The following POU5F1B variants were observed in gnomAD, a reference collection of about 807,000 sequenced individuals.
POU5F1B encodes POU domain, class 5, transcription factor 1B.
POU5F1B carries 24 observed loss-of-function variants against 28.1 expected under a neutral mutation model. The observed-to-expected ratio is 0.85, with a 90% confidence interval of 0.62 to 1.20. The LOEUF (loss-of-function observed/expected upper bound fraction) is 1.20, where lower values mean the gene tolerates loss of function less well. Ranked by LOEUF, POU5F1B falls within the 50% of genes most tolerant of loss-of-function variation. POU5F1B has a pLI of 0.00. For missense variants in POU5F1B, 451 were observed against 451.5 expected, an observed-to-expected ratio of 1.00 and a Z score of 0.01; for synonymous variants, 220 against 193.2, an observed-to-expected ratio of 1.14 and a Z score of -1.15.
rs1166874377 is a variant in POU5F1B at position 127,416,173 on chromosome 8, G to T, written c.307G>T (p.Val103Leu). Residue 103 changes from valine to leucine, a missense_variant, in exon 3 of 3, where the codon GTG becomes TTG. Val to Leu is a conservative substitution (Grantham distance 32, BLOSUM62 1). Around this residue, in one of 3 missense-constraint regions of POU5F1B, gnomAD observed 233 missense variants for 210.7 expected, o/e 1.11. Coordinates refer to ENST00000465342, the Ensembl canonical transcript of POU5F1B. The stretch of plus-strand genomic sequence containing the variant: ...GCCTGAGAGCGAAGCAGGAGTCGGG[G>T]TGGAGAGCAACTCCAATGGGGCCTC... 2.2e-5 allele frequency: 35 copies of T among 1,613,888 alleles called. No individual in the cohort carries two copies. The highest frequency in any genetic ancestry group is 2.9e-5 in the Non-Finnish European group (34 of 1,179,836).
intron 1 of POU5F1B, among the ~76,000 whole-genome samples, chr8:127,414,538 T>C (rs1815102671): frequency 1.3e-5 from 2 of 152,240 alleles, no homozygotes. Context: ...ATCATTCTCA[T>C]TTTATGGTTG....
chr8:127,416,012 C>G (rs768862753), exon 3 of POU5F1B: 1 of 1,598,204 alleles, frequency 6.3e-7, no homozygotes, highest in Non-Finnish European at 8.5e-7. Flanking sequence ...GGAATCGGGC[C>G]GGGGGTTGGG....
chr8:127,416,648 A>C, exon 3 of POU5F1B: 1 of 1,601,916 alleles, frequency 6.2e-7, no homozygotes, highest in South Asian at 1.1e-5. Context: ...CAGATCAGCC[A>C]CATCGCCCAG....
chr8:127,416,614 C>T (rs1815146071), exon 3 of POU5F1B: 2 of 1,599,174 alleles, frequency 1.3e-6, no homozygotes, highest in Non-Finnish European at 1.7e-6. Context: ...GAATTTGTTC[C>T]TGCAGTGCCC....
exon 3 of POU5F1B, chr8:127,416,759 A>T (rs1815150316): frequency 6.2e-7 from 1 of 1,607,318 alleles, no homozygotes; most frequent in African/African-American, 1.3e-5. Flanking sequence ...GAGGATTTTG[A>T]GGCTGCTGGG....
At chr8:127,414,722 C>T (rs1815105321) in intron 1 of POU5F1B, among the ~76,000 whole-genome samples, 1 of 152,208 alleles carries the variant, frequency 6.6e-6, no homozygotes, top group Non-Finnish European at 1.5e-5. Context: ...ACAATATGCC[C>T]ACCAATTATT....
At chr8:127,415,280 A>G (rs1375046513) in intron 2 of POU5F1B, among the ~76,000 whole-genome samples, 1 of 152,254 alleles carries the variant, frequency 6.6e-6, no homozygotes, top group East Asian at 1.9e-4. Flanking sequence ...AGGGGTTGTC[A>G]GGAGGGTAGA....
exon 3 of POU5F1B, chr8:127,417,214 A>AG: frequency 2.8e-6 from 1 of 351,566 alleles, no homozygotes; most frequent in Non-Finnish European, 5.3e-6. Flanking sequence ...AAAAAAAGAA[A>AG]GAAAAGAAAA....
chr8:127,416,699 G>C (rs1376612801), exon 3 of POU5F1B: 1 of 1,609,006 alleles, frequency 6.2e-7, no homozygotes, highest in Admixed American at 1.7e-5. Context: ...GTGTGGTTCT[G>C]TAACCGGCGC....
chr8:127,413,879 C>CAA (rs1563683160), intron 1 of POU5F1B, among the ~76,000 whole-genome samples: 1 of 151,572 alleles, frequency 6.6e-6, no homozygotes, highest in Non-Finnish European at 1.5e-5. Flanking sequence ...CACACACACA[C>CAA]AACACCCGAT....
At chr8:127,416,323 C>T (rs1815137620) in exon 3 of POU5F1B, 3 of 1,613,342 alleles carry the variant, frequency 1.9e-6, no homozygotes, top group African/African-American at 2.7e-5. Context: ...TGCCAAGCTC[C>T]TGAAGCAGAA....
chr8:127,413,779 G>A (rs1815093394), intron 1 of POU5F1B, among the ~76,000 whole-genome samples: 2 of 151,890 alleles, frequency 1.3e-5, no homozygotes, highest in South Asian at 2.1e-4. Context: ...AGACAATATG[G>A]ACTTGACTTC....
chr8:127,413,730 C>A (rs1815092873), intron 1 of POU5F1B, among the ~76,000 whole-genome samples: 1 of 152,126 alleles, frequency 6.6e-6, no homozygotes, highest in Non-Finnish European at 1.5e-5. Flanking sequence ...GAGGCTTAGG[C>A]CAACCTATTA....
rs755785393 is a variant in POU5F1B, at chr8:127,416,184, C to T, written c.318C>T (p.Asn106=). 24 of 1,613,744 alleles carry T rather than the reference C, an allele frequency of 1.5e-5. No homozygotes were observed. In the African/African-American group the frequency reaches 2.5e-4, roughly 17 times the overall value. ...AAGCAGGAGTCGGGGTGGAGAGCAA[C>T]TCCAATGGGGCCTCCCCGGAACCCT... The change falls in exon 3 of 3, where the codon AAC becomes AAT. Residue 106 remains asparagine (N), a synonymous_variant. Coordinates refer to ENST00000465342, the Ensembl canonical transcript of POU5F1B.
At chr8:127,415,064 T>A (rs776200069) in intron 2 of POU5F1B, 2 of 152,284 alleles carry the variant, frequency 1.3e-5, no homozygotes, top group African/African-American at 2.4e-5. Context: ...CAGCCCCCGT[T>A]AGGCTCCCAG....
chr8:127,415,821 ATTGCTCAT>A, exon 3 of POU5F1B: 1 of 1,474,438 alleles, frequency 6.8e-7, no homozygotes, highest in Non-Finnish European at 9.0e-7. Flanking sequence ...AAGTAACATA[ATTGCTCAT>A]TTCACCAGGC....
chr8:127,415,973 TA>T lies in POU5F1B; in HGVS notation c.109del (p.Ser37AlafsTer48). 6.3e-7 allele frequency: 1 copy of T among 1,580,182 alleles called. No individual in the cohort carries two copies. The highest frequency in any genetic ancestry group is 8.6e-7 in the Non-Finnish European group (1 of 1,163,738). On this transcript the variant is annotated frameshift_variant, in exon 3 of 3. Coordinates refer to ENST00000465342, the Ensembl canonical transcript of POU5F1B. LOFTEE classifies it high-confidence loss of function. Reference sequence around the variant, plus strand: ...GGCTGGGTTGATCCTCTGACCTGGCTAAGCTTCCAAGGCCCTCCTGGAGGGC... The same window carrying T: ...GGCTGGGTTGATCCTCTGACCTGGCTAGCTTCCAAGGCCCTCCTGGAGGGC...
chr8:127,413,753 A>T (rs1815093154), intron 1 of POU5F1B, among the ~76,000 whole-genome samples: 1 of 152,084 alleles, frequency 6.6e-6, no homozygotes, highest in South Asian at 2.1e-4. Context: ...CTTCTATTTC[A>T]CTTTTCTGCT....
At chr8:127,415,868 T>C (rs1408895868) in exon 3 of POU5F1B, 1 of 1,523,352 alleles carries the variant, frequency 6.6e-7, no homozygotes, top group Admixed American at 2.3e-5. Context: ...TCCTTCCCCA[T>C]GGCGGGACAC....
Sources: gnomAD v4.1 joint callset for allele counts (sites outside exome capture counted in the v4.1 genomes callset) on GRCh38, gnomAD v4.1.1 for gene constraint, gnomAD v4.1.1 regional missense constraint, MANE v1.5 for transcripts, NCBI Gene and HGNC (gene_info 2026-07-23, HGNC 2026-07-21) for gene names.